Variants in PRICKLE1 observed in about 807,000 individuals in gnomAD.
PRICKLE1 encodes the protein prickle planar cell polarity protein 1.
PRICKLE1 carries 14 observed loss-of-function variants against 70.2 expected under a neutral mutation model. The observed-to-expected ratio is 0.20, with a 90% confidence interval of 0.13 to 0.31. The LOEUF is 0.31. PRICKLE1 is among the 10% of genes least tolerant of loss of function. The pLI is 1.00. For synonymous variants in PRICKLE1, 357 were observed against 379.9 expected, an observed-to-expected ratio of 0.94 and a Z score of 0.70; for missense variants, 821 against 1,026.2, an observed-to-expected ratio of 0.80 and a Z score of 2.73.
chr12:42,574,556 C>T (rs1940773495), intron 1 of PRICKLE1, among the ~76,000 whole-genome samples: 1 of 152,222 alleles, frequency 6.6e-6, no homozygotes, highest in Non-Finnish European at 1.5e-5. Context: ...TGCCTGAAAA[C>T]ATTCTGATTG....
At chr12:42,550,467 G>A (rs1940296289) in intron 1 of PRICKLE1, 1 of 152,238 alleles carries the variant, frequency 6.6e-6, no homozygotes, top group Non-Finnish European at 1.5e-5. Context: ...TACTGGAAGA[G>A]AAAGGGTGAC....
In PRICKLE1 at chr12:42,464,391, G is replaced by A. The variant is rs746747159; in HGVS notation, c.1639+4C>T. 51 of 1,613,866 alleles carry A rather than the reference G, an allele frequency of 3.2e-5. No homozygotes were observed. The highest frequency in any genetic ancestry group is 6.6e-5 in the South Asian group (6 of 91,088). ...AAATACCCCATAATCCCTAGATTAC[G>A]TACCTGTGATATTGGACAATGCCAA... On this transcript the variant is annotated splice_donor_region_variant and intron_variant, in intron 7 of 7. Coordinates refer to ENST00000345127, the MANE Select transcript of PRICKLE1 (RefSeq NM_153026.3). The surrounding 1 kb of genome is among the most constrained non-coding windows in gnomAD (Gnocchi z 4.2).
chr12:42,478,895 A>C (rs1284623974), intron 1 of PRICKLE1, among the ~76,000 whole-genome samples: 1 of 152,194 alleles, frequency 6.6e-6, no homozygotes, highest in Non-Finnish European at 1.5e-5. Flanking sequence ...AACAGATGTA[A>C]GACTTCTCAA....
chr12:42,527,341 C>T (rs887985203), intron 1 of PRICKLE1, among the ~76,000 whole-genome samples: 2 of 152,014 alleles, frequency 1.3e-5, no homozygotes, highest in African/African-American at 4.8e-5. Context: ...CCATGTTGGC[C>T]AGGCTGGCCT....
chr12:42,463,205 C>T (rs1305968142), intron 7 of PRICKLE1, among the ~76,000 whole-genome samples: 5 of 151,944 alleles, frequency 3.3e-5, no homozygotes, highest in African/African-American at 1.2e-4. Context: ...GCAGGAGAAT[C>T]GCTTAAACTC....
chr12:42,492,229 G>A (rs1441971533), intron 1 of PRICKLE1, among the ~76,000 whole-genome samples: 5 of 152,086 alleles, frequency 3.3e-5, no homozygotes, highest in Admixed American at 2.0e-4. Flanking sequence ...AGCCTCTCAA[G>A]TAGCTGTGAT....
chr12:42,479,272 G>A (rs1431593591), intron 1 of PRICKLE1, among the ~76,000 whole-genome samples: 2 of 152,162 alleles, frequency 1.3e-5, no homozygotes, highest in Non-Finnish European at 2.9e-5. Context: ...TTGAGCTTGC[G>A]AGAGCTCTAG....
rs570770500 is a variant in PRICKLE1 at position 42,472,215 on chromosome 12, A to G, written c.132+170T>C. On this transcript the variant is annotated intron_variant, in intron 2 of 7. Coordinates refer to ENST00000345127, the MANE Select transcript of PRICKLE1 (RefSeq NM_153026.3). ...GATTGGAAACTTCCATTGAGAAACT[A>G]AATATGACCTTCAAAAGTAAAACTT... is the stretch of plus-strand genomic sequence containing the variant. Among the ~76,000 whole-genome samples the G allele has an allele frequency of 2.0e-5, 3 of 152,352 alleles. No individual in the cohort carries two copies. The South Asian group carries it at 6.2e-4, about 32-fold the overall frequency.
chr12:42,553,646 A>G (rs1378049237), intron 1 of PRICKLE1, among the ~76,000 whole-genome samples: 1 of 152,038 alleles, frequency 6.6e-6, no homozygotes, highest in Non-Finnish European at 1.5e-5. Flanking sequence ...TAAAATACAG[A>G]TAATAGCAGG....
chr12:42,556,621 C>T (rs1940416879), intron 1 of PRICKLE1, among the ~76,000 whole-genome samples: 1 of 152,106 alleles, frequency 6.6e-6, no homozygotes, highest in Admixed American at 6.5e-5. Flanking sequence ...GAAGTAGGGA[C>T]CTTAATGAAT....
intron 1 of PRICKLE1, among the ~76,000 whole-genome samples, chr12:42,542,892 C>T (rs1444854505): frequency 6.6e-6 from 1 of 152,138 alleles, no homozygotes; most frequent in African/African-American, 2.4e-5. Context: ...TATGGTGAAA[C>T]CTAATTACCA....
intron 3 of PRICKLE1, chr12:42,469,836 T>C: frequency 2.0e-6 from 1 of 492,292 alleles, no homozygotes; most frequent in Non-Finnish European, 3.6e-6. Context: ...CAACACAGAA[T>C]TAAAAAATAT....
chr12:42,565,909 TCTC>T (rs2120729059), intron 1 of PRICKLE1, among the ~76,000 whole-genome samples: 1 of 152,064 alleles, frequency 6.6e-6, no homozygotes, highest in East Asian at 1.9e-4. Flanking sequence ...AGTACTATAT[TCTC>T]CTAAAATGAG....
At chr12:42,535,194 C>T (rs1477936472) in intron 1 of PRICKLE1, among the ~76,000 whole-genome samples, 1 of 152,176 alleles carries the variant, frequency 6.6e-6, no homozygotes, top group Non-Finnish European at 1.5e-5. Context: ...AAACTTACAG[C>T]TGCTGGTGTG....
At chr12:42,513,289 T>C (rs768397481) in intron 1 of PRICKLE1, among the ~76,000 whole-genome samples, 23 of 152,152 alleles carry the variant, frequency 1.5e-4, no homozygotes, top group Admixed American at 1.2e-3. Context: ...GGTCCCTTTC[T>C]TCACCTCCCA....
chr12:42,565,137 G>T (rs890588769), intron 1 of PRICKLE1, among the ~76,000 whole-genome samples: 1 of 152,208 alleles, frequency 6.6e-6, no homozygotes, highest in African/African-American at 2.4e-5. Context: ...AGAGTTCTGG[G>T]AGCAGCAGCT....
At chr12:42,475,070 G>A (rs1938469793) in intron 1 of PRICKLE1, among the ~76,000 whole-genome samples, 2 of 152,244 alleles carry the variant, frequency 1.3e-5, no homozygotes, top group East Asian at 3.9e-4. Flanking sequence ...GTAAATCAAC[G>A]TTAGCACTAC....
At chr12:42,510,969 G>A (rs1454466619) in intron 1 of PRICKLE1, among the ~76,000 whole-genome samples, 1 of 152,212 alleles carries the variant, frequency 6.6e-6, no homozygotes, top group African/African-American at 2.4e-5. Flanking sequence ...CTTTGCCATT[G>A]TAAAACAAAA....
At chr12:42,516,354 G>C (rs1351852920) in intron 1 of PRICKLE1, among the ~76,000 whole-genome samples, 1 of 151,900 alleles carries the variant, frequency 6.6e-6, no homozygotes, top group African/African-American at 2.4e-5. Flanking sequence ...GGATGGTCTC[G>C]ATCTCCTGAC....
Sources: gnomAD v4.1 joint callset for allele counts (sites outside exome capture counted in the v4.1 genomes callset) on GRCh38, gnomAD v4.1.1 for gene constraint, Gnocchi (gnomAD v3.1) non-coding constraint, MANE v1.5 for transcripts, NCBI Gene and HGNC (gene_info 2026-07-23, HGNC 2026-07-21) for gene names.